Variants in DOCK7 observed in about 807,000 individuals in gnomAD.
DOCK7 encodes dedicator of cytokinesis 7.
DOCK7 carries 138 observed loss-of-function variants against 271.0 expected under a neutral mutation model. The ratio of observed to expected loss-of-function variants is 0.51; its 90% confidence interval spans 0.44 to 0.59. The LOEUF is 0.59. Among genes scored for constraint, DOCK7 ranks in the 20% least tolerant of loss-of-function variants. The probability of loss-of-function intolerance (pLI) is 0.00; values close to 1 mark genes in which losing one functional copy is unlikely to be tolerated. For synonymous variants in DOCK7, 823 were observed against 876.1 expected (o/e 0.94, Z 1.07); for missense variants, 2,066 against 2,592.4 (o/e 0.80, Z 4.41).
intron 1 of DOCK7, among the ~76,000 whole-genome samples, chr1:62,668,493 TA>T (rs1207601653): frequency 6.6e-6 from 1 of 152,162 alleles, no homozygotes; most frequent in African/African-American, 2.4e-5. Flanking sequence ...TAAGAGTCAT[TA>T]GGGTTTTTTT....
intron 16 of DOCK7, among the ~76,000 whole-genome samples, chr1:62,581,968 G>A (rs899400708): frequency 1.1e-4 from 16 of 152,084 alleles, no homozygotes; most frequent in African/African-American, 3.6e-4. Flanking sequence ...GCAAGAAACC[G>A]GATAAATGAT....
chr1:62,686,655 T>A (rs1661787501), intron 1 of DOCK7, among the ~76,000 whole-genome samples: 1 of 152,230 alleles, frequency 6.6e-6, no homozygotes. Flanking sequence ...ACACAAATTA[T>A]GCCACTTAAT....
chr1:62,561,720 A>T lies in DOCK7; in HGVS notation c.2113-17T>A. On this transcript the variant is annotated splice_polypyrimidine_tract_variant and intron_variant, in intron 18 of 49. Transcript: ENST00000635253. ...TAGAGGAACCTGTAAGATATTAAAT[A>T]TAATGATCACAGATGCTTAAGTAGA... 1 of 1,445,714 alleles carries T rather than the reference A, an allele frequency of 6.9e-7. No homozygotes were observed. The highest frequency in any genetic ancestry group is 9.2e-7 in the Non-Finnish European group (1 of 1,091,682). The allele number at this position is 1,445,714 out of a possible 1,614,324, so 89.6% of individuals were successfully genotyped here. A position where few individuals can be genotyped will look rare whatever the true frequency, so the allele number is the denominator to read the frequency against.
chr1:62,636,527 A>C lies in DOCK7; in HGVS notation c.885+10T>G. 6.3e-7 allele frequency: 1 copy of C among 1,583,758 alleles called. No homozygotes were observed. Among genetic ancestry groups the C allele is most frequent in the Non-Finnish European group, 8.6e-7 (1 of 1,161,016 alleles). On this transcript the variant is annotated intron_variant, in intron 8 of 49. Transcript: ENST00000635253. Reference sequence around the variant, plus strand: ...TGACAAATAACTATGGTCAAATTATATAATCTTACCTTTTTCTTTTCCTTG... The same window carrying C: ...TGACAAATAACTATGGTCAAATTATCTAATCTTACCTTTTTCTTTTCCTTG...
intron 9 of DOCK7, among the ~76,000 whole-genome samples, chr1:62,634,132 A>G (rs1389890696): frequency 6.6e-6 from 1 of 152,132 alleles, no homozygotes; most frequent in Non-Finnish European, 1.5e-5. Context: ...GGAAATTTAA[A>G]AAAAAATTTC....
At chr1:62,660,019 T>C (rs995122559) in intron 2 of DOCK7, among the ~76,000 whole-genome samples, 3 of 152,180 alleles carry the variant, frequency 2.0e-5, no homozygotes, top group Non-Finnish European at 2.9e-5. Context: ...CTGCAGATTC[T>C]AGAAAATCAA....
intron 18 of DOCK7, among the ~76,000 whole-genome samples, chr1:62,575,475 ATCACTT>A (rs1646918010): frequency 1.3e-5 from 2 of 152,178 alleles, no homozygotes; most frequent in Admixed American, 6.5e-5. Flanking sequence ...TTTCCTCTAT[ATCACTT>A]TAAGAATATG....
Position 62,659,219 on chromosome 1 carries a change from T to C in DOCK7, c.144+3806A>G, listed in dbSNP as rs564492062. 3.3e-5 allele frequency among the ~76,000 whole-genome samples: 5 copies of C among 152,328 alleles called. No individual in the cohort carries two copies. The South Asian group carries it at 8.3e-4, about 25-fold the overall frequency. On this transcript the variant is annotated intron_variant, in intron 2 of 49. Coordinates refer to ENST00000635253, the MANE Select transcript of DOCK7 (RefSeq NM_001367561.1). ...CTCTTGACTTTTCTAAATTGTCCAG[T>C]ATGATTCTAAGTGTTTATAGAAAAA... is the stretch of plus-strand genomic sequence containing the variant.
chr1:62,579,462 G>C (rs549852843), intron 16 of DOCK7, among the ~76,000 whole-genome samples: 2 of 152,056 alleles, frequency 1.3e-5, no homozygotes, highest in East Asian at 3.9e-4. Flanking sequence ...CAGGTGTAGT[G>C]GCTCACACCT....
intron 31 of DOCK7, among the ~76,000 whole-genome samples, chr1:62,524,255 T>C (rs1387869765): frequency 6.6e-6 from 1 of 152,198 alleles, no homozygotes; most frequent in Non-Finnish European, 1.5e-5. Flanking sequence ...ATGAGAACTC[T>C]CATATTGTAT....
At chr1:62,614,851 G>T (rs1267165106) in intron 14 of DOCK7, among the ~76,000 whole-genome samples, 2 of 151,854 alleles carry the variant, frequency 1.3e-5, no homozygotes, top group Non-Finnish European at 2.9e-5. Context: ...TTAAGAGAAG[G>T]ACTTTAAGGA....
At chr1:62,544,548 A>T (rs185568431) in intron 23 of DOCK7, among the ~76,000 whole-genome samples, 2 of 152,324 alleles carry the variant, frequency 1.3e-5, no homozygotes, top group East Asian at 3.9e-4. Flanking sequence ...ATGTTAAATG[A>T]AAATGATACA....
chr1:62,559,060 C>A lies in DOCK7; in HGVS notation c.2360G>T (p.Arg787Leu). ...LNSSQLEPVV[R>L]FLHLLLDKLI... ...TTTATCTAGCAGAAGATGAAGAAAT[C>A]GGACCACTGGTTCCAGCTGGGATGA... is the stretch of plus-strand genomic sequence containing the variant. The change falls in exon 20 of 50, where the codon CGA becomes CTA. Residue 787 changes from arginine (R) to leucine (L), a missense_variant. Transcript: ENST00000635253. 6.2e-7 allele frequency: 1 copy of A among 1,613,754 alleles called. No individual in the cohort carries two copies. Among genetic ancestry groups the A allele is most frequent in the Non-Finnish European group, 8.5e-7 (1 of 1,179,826 alleles).
chr1:62,682,040 T>C (rs766082777), intron 1 of DOCK7, among the ~76,000 whole-genome samples: 7 of 149,590 alleles, frequency 4.7e-5, no homozygotes, highest in African/African-American at 7.4e-5. Flanking sequence ...GAAGAATGTA[T>C]CTAAAAGAAA....
chr1:62,543,838 A>G, intron 23 of DOCK7, 93 bp from the exon 24 acceptor site: 1 of 847,550 alleles, frequency 1.2e-6, no homozygotes, highest in Admixed American at 2.4e-5. Flanking sequence ...TTTAAAACAG[A>G]GTTTTATTAT....
intron 2 of DOCK7, among the ~76,000 whole-genome samples, chr1:62,657,292 T>C (rs1658136899): frequency 6.6e-6 from 1 of 152,176 alleles, no homozygotes; most frequent in South Asian, 2.1e-4. Flanking sequence ...GAACCCTCCC[T>C]CCTGCTCAAC....
chr1:62,456,513 ACAG>A (rs1645352164), intron 49 of DOCK7, among the ~76,000 whole-genome samples: 1 of 152,200 alleles, frequency 6.6e-6, no homozygotes, highest in Non-Finnish European at 1.5e-5. Flanking sequence ...TTGAAGGGAA[ACAG>A]CAGTCTTGAA....
rs370399154 is a variant in DOCK7, at chr1:62,496,512, T to G, written c.4765-15A>C. ...CTGGCAAAGTTCTGTAACAGAGAAA[T>G]TGTCCAGTCAATACTTAATATAGAA... On this transcript the variant is annotated splice_polypyrimidine_tract_variant and intron_variant, in intron 37 of 49. Transcript: ENST00000635253. 3.0e-5 allele frequency: 48 copies of G among 1,608,442 alleles called. No individual in the cohort carries two copies. The Middle Eastern group carries it at 8.3e-4, about 28-fold the overall frequency.
chr1:62,533,679 G>A (rs1370046210), intron 29 of DOCK7, among the ~76,000 whole-genome samples: 3 of 152,078 alleles, frequency 2.0e-5, no homozygotes, highest in Non-Finnish European at 4.4e-5. Context: ...CCAAACTTAG[G>A]AAGTTGCCAT....
Sources: allele counts gnomAD v4.1 joint callset (sites outside exome capture counted in the v4.1 genomes callset), GRCh38; gene constraint gnomAD v4.1.1; transcripts MANE v1.5; gene names NCBI Gene and HGNC (gene_info 2026-07-23, HGNC 2026-07-21).